The following TTN variants were observed in gnomAD, a reference collection of about 807,000 sequenced individuals.
TTN encodes the protein connectin.
TTN carries 1,525 observed loss-of-function variants against 3,223.0 expected under a neutral mutation model. That is an observed-to-expected ratio of 0.47 (90% CI 0.45 to 0.49). The LOEUF is 0.49. Among genes scored for constraint, TTN ranks in the 20% least tolerant of loss-of-function variants. TTN has a pLI of 0.00. For missense variants in TTN, 40,786 were observed against 43,424.0 expected, an observed-to-expected ratio of 0.94 and a Z score of 5.40; for synonymous variants, 14,094 against 15,161.0, an observed-to-expected ratio of 0.93 and a Z score of 5.17.
Position 178,562,752 on chromosome 2 carries a change from C to T in TTN, c.83380G>A (p.Gly27794Ser). The T allele has an allele frequency of 1.2e-6, 2 of 1,612,058 alleles. No individual in the cohort carries two copies. Among genetic ancestry groups the T allele is most frequent in the East Asian group, 2.2e-5 (1 of 44,776 alleles). Residue 27794 changes from glycine to serine, a missense_variant, in exon 326 of 363, where the codon GGT becomes AGT. Gly to Ser is a moderately conservative substitution (Grantham distance 56, BLOSUM62 0). Transcript: ENST00000589042. ...TLSWEPPLID[G>S]GAKITNYIVE... ...ATGTAGTTTGTAATCTTAGCTCCAC[C>T]ATCAATAAGTGGTGGTTCCCAGGAC... is the stretch of plus-strand genomic sequence containing the variant.
At chr2:178,663,539 A>T (rs1560181776) in intron 171 of TTN, 23 bp from the exon 172 acceptor site, 1 of 1,613,562 alleles carries the variant, frequency 6.2e-7, no homozygotes, top group Non-Finnish European at 8.5e-7. Flanking sequence ...TAGTGAAATT[A>T]CATTTAGGCA....
rs767516253 is a variant in TTN at position 178,535,220 on chromosome 2, T to C, written c.101395A>G (p.Thr33799Ala). The C allele has an allele frequency of 3.7e-6, 6 of 1,613,912 alleles. No homozygotes were observed. The East Asian group carries it at 8.9e-5, about 24-fold the overall frequency. The stretch of plus-strand genomic sequence containing the variant: ...GCTTTAGTCATGGAGACTTCCCTGG[T>C]TTCATCTACCTCTTCATCATAGTTC... ...AMNYDEEVDE[T>A]REVSMTKASH... The change falls in exon 358 of 363, where the codon ACC (threonine) becomes GCC (alanine). Residue 33799 changes from threonine (T) to alanine (A), a missense_variant. Physicochemically the swap from Thr to Ala is moderately conservative, Grantham distance 58 (BLOSUM62 0). Transcript: ENST00000589042.
In TTN at chr2:178,594,556, C is replaced by G. The variant is rs777653912; in HGVS notation, c.57938G>C (p.Gly19313Ala). The G allele has an allele frequency of 6.2e-7, 1 of 1,613,216 alleles. No homozygotes were observed. The highest frequency in any genetic ancestry group is 2.2e-5 in the East Asian group (1 of 44,754). ...TAGGACATAGTTAATAATTTCTGAC[C>G]CACCATCATACTTAGGAGGATTCCA... ...LTWNPPKYDG[G>A]SEIINYVLES... Residue 19313 changes from glycine to alanine, a missense_variant, in exon 296 of 363, where the codon GGG becomes GCG. Physicochemically the swap from Gly to Ala is moderately conservative, Grantham distance 60 (BLOSUM62 0). Coordinates refer to ENST00000589042, the MANE Select transcript of TTN (RefSeq NM_001267550.2).
At position 178,679,337 on chromosome 2, in the gene TTN, A is replaced by G. The variant is rs745618510; in HGVS notation, c.33742+2T>C. 6.2e-7 allele frequency: 1 copy of G among 1,612,434 alleles called. No homozygotes were observed. The highest frequency in any genetic ancestry group is 1.1e-5 in the South Asian group (1 of 91,032). On this transcript the variant is annotated splice_donor_variant, in intron 142 of 362. Transcript: ENST00000589042. LOFTEE classifies it high-confidence loss of function. Reference sequence around the variant, plus strand: ...TTCCACTGATGGATTATAAGGATGTACCTTTTGCTGGCGGAGGCTTCTCCT... The same window carrying G: ...TTCCACTGATGGATTATAAGGATGTGCCTTTTGCTGGCGGAGGCTTCTCCT...
rs367774903 is a variant in TTN, at chr2:178,620,542, G to A, written c.45979C>T (p.Arg15327Cys). The A allele has an allele frequency of 1.2e-4, 191 of 1,611,870 alleles. No homozygotes were observed. The highest frequency in any genetic ancestry group is 1.6e-4 in the Middle Eastern group (1 of 6,066). Residue 15327 changes from arginine (R) to cysteine (C), a missense_variant, in exon 248 of 363, where the codon CGT becomes TGT. Physicochemically the swap from Arg to Cys is radical, Grantham distance 180 (BLOSUM62 -3). Coordinates refer to ENST00000589042, the MANE Select transcript of TTN (RefSeq NM_001267550.2). ...GTCCACTTCAGTGTTACATTGAGAC[G>A]ATTCACCTTGCACCAGAATGTGACA... ...KSVTFWCKVN[R>C]LNVTLKWTKN...
At position 178,653,060 on chromosome 2, in the gene TTN, A is replaced by C. The variant is rs753817117; in HGVS notation, c.38856T>G (p.Pro12952=). 16 of 1,613,366 alleles carry C rather than the reference A, an allele frequency of 9.9e-6. No homozygotes were observed. In the Admixed American group the frequency reaches 2.5e-4, roughly 25 times the overall value. Residue 12952 remains proline (P), a synonymous_variant, in exon 199 of 363, where the codon CCT becomes CCG. Coordinates refer to ENST00000589042, the MANE Select transcript of TTN (RefSeq NM_001267550.2). ...AAATACCTTTAACAGGTGGGACTTC[A>C]GGTTTTTTAGGAGGAGTCACTGGCA... ...KKVPVTPPKK[P]EVPPVKVPEA... is the part of the protein sequence containing the mutation.
At position 178,595,891 on chromosome 2, in the gene TTN, A is replaced by G; in HGVS notation, c.57545-82T>C. 1.4e-6 allele frequency: 2 copies of G among 1,387,790 alleles called. 1 individual carries two copies. Among genetic ancestry groups the G allele is most frequent in the Middle Eastern group, 3.8e-4 (2 of 5,292 alleles). 86.0% of individuals were successfully genotyped at this position (1,387,790 alleles called of 1,614,324 possible). ...AACACTTGTTTTTTTAAAAGGAGAC[A>G]AAAATGTTGTTTTGAAGAAAGTAAG... is the stretch of plus-strand genomic sequence containing the variant. On this transcript the variant is annotated intron_variant, in intron 294 of 362. Transcript: ENST00000589042.
At chr2:178,766,715 G>A (rs866541900) in intron 40 of TTN, 103 bp from the exon 41 acceptor site, 7 of 848,962 alleles carry the variant, frequency 8.2e-6, no homozygotes, top group South Asian at 1.4e-5. Context: ...TGAATGGCAT[G>A]TGAAACCAAT....
Position 178,718,228 on chromosome 2 carries a change from T to A in TTN, c.24785-7A>T. On this transcript the variant is annotated splice_region_variant and splice_polypyrimidine_tract_variant and intron_variant, in intron 85 of 362. Transcript: ENST00000589042. ...TCAATAAAGTACGGTGGTTCTATGG[T>A]ACAAAGGATGGTAGTCAGCAAGTCA... The A allele has an allele frequency of 7.5e-6, 12 of 1,595,524 alleles. No individual in the cohort carries two copies. The highest frequency in any genetic ancestry group is 1.0e-5 in the Non-Finnish European group (12 of 1,173,490).
At position 178,574,933 on chromosome 2, in the gene TTN, T is replaced by G. The variant is rs1313067409; in HGVS notation, c.71199A>C (p.Pro23733=). Residue 23733 remains proline, a synonymous_variant, in exon 326 of 363, where the codon CCA becomes CCC. Transcript: ENST00000589042. ...CAGATGAAACTTCATCAAATTTGAT[T>G]GGTCCAGTAGGTGGCCCTGGGATAT... ...VHDIPGPPTG[P]IKFDEVSSDF... is the part of the protein sequence containing the mutation. 6.2e-7 allele frequency: 1 copy of G among 1,612,900 alleles called. No homozygotes were observed. Among genetic ancestry groups the G allele is most frequent in the East Asian group, 2.2e-5 (1 of 44,616 alleles).
intron 77 of TTN, 52 bp from the exon 78 acceptor site, chr2:178,722,186 T>C (rs72648968): frequency 3.3e-5 from 50 of 1,529,888 alleles, no homozygotes; most frequent in South Asian, 2.0e-4. Flanking sequence ...TTTTTTGCCA[T>C]TGGTCGTTTC....
In TTN at chr2:178,601,697, C is replaced by T. The variant is rs899078606; in HGVS notation, c.55393G>A (p.Ala18465Thr). The stretch of plus-strand genomic sequence containing the variant: ...CTGCAATTTGCAGTCTTTTGTCCTG[C>T]TTTATTCTTGGCTGTGATGCTGTAT... ...GKYSITAKNK[A>T]GQKTANCRVK... is the part of the protein sequence containing the mutation. Residue 18465 changes from alanine to threonine, a missense_variant, in exon 286 of 363, where the codon GCA (alanine) becomes ACA (threonine). Physicochemically the swap from Ala to Thr is moderately conservative, Grantham distance 58. Coordinates refer to ENST00000589042, the MANE Select transcript of TTN (RefSeq NM_001267550.2). 1.9e-6 allele frequency: 3 copies of T among 1,608,384 alleles called. No homozygotes were observed. In the Admixed American group the frequency reaches 5.1e-5, roughly 27 times the overall value.
Position 178,553,623 on chromosome 2 carries a change from T to A in TTN, c.89382A>T (p.Glu29794Asp), listed in dbSNP as rs1700216447. ...CAGGTTTCAGGTTGGATACCACATATTCTGTAGTTCTGACCTCTCCTTTGG... is the reference window on the plus strand; with the variant it reads ...CAGGTTTCAGGTTGGATACCACATAATCTGTAGTTCTGACCTCTCCTTTGG... ...VSTKGEVRTT[E>D]YVVSNLKPGV... The change falls in exon 334 of 363, where the codon GAA becomes GAT. Residue 29794 changes from glutamate (E) to aspartate (D), a missense_variant. Physicochemically the swap from Glu to Asp is conservative, Grantham distance 45 (BLOSUM62 2). Coordinates refer to ENST00000589042, the MANE Select transcript of TTN (RefSeq NM_001267550.2). 1 of 1,613,904 alleles carries A rather than the reference T, an allele frequency of 6.2e-7. No individual in the cohort carries two copies. Among genetic ancestry groups the A allele is most frequent in the Non-Finnish European group, 8.5e-7 (1 of 1,179,818 alleles).
chr2:178,684,076 TCTGGCACTTTAAAGAGAGATTTCA>T lies in TTN; in HGVS notation c.32723-18_32728del. Reference sequence around the variant, plus strand: ...TTCTGGGACAGCTCTCTTCGGTTCCTCTGGCACTTTAAAGAGAGATTTCACTTTAAAGTATTGTTTCCCTCTTTC... The same window carrying T: ...TTCTGGGACAGCTCTCTTCGGTTCCTCTTTAAAGTATTGTTTCCCTCTTTC... On this transcript the variant is annotated splice_acceptor_variant and splice_polypyrimidine_tract_variant and coding_sequence_variant and intron_variant, in exon 133 of 363. Transcript: ENST00000589042. LOFTEE classifies it high-confidence loss of function. 1 of 1,612,598 alleles carries T rather than the reference TCTGGCACTTTAAAGAGAGATTTCA, an allele frequency of 6.2e-7. No individual in the cohort carries two copies. Among genetic ancestry groups the T allele is most frequent in the Non-Finnish European group, 8.5e-7 (1 of 1,179,190 alleles).
intron 3 of TTN, among the ~76,000 whole-genome samples, chr2:178,801,368 C>T (rs1037116944): frequency 6.6e-6 from 1 of 152,122 alleles, no homozygotes; most frequent in African/African-American, 2.4e-5. Context: ...GTGCTGCCAA[C>T]CCTGTGCATT....
intron 173 of TTN, 101 bp from the exon 174 acceptor site, chr2:178,663,156 TG>T (rs2065071799): frequency 6.2e-7 from 1 of 1,608,074 alleles, no homozygotes; most frequent in Non-Finnish European, 8.5e-7. Context: ...GATTGACATT[TG>T]TTTTCTTTAG....
Position 178,551,501 on chromosome 2 carries a change from C to A in TTN, c.91270+129G>T, listed in dbSNP as rs917835267. 3 of 859,958 alleles carry A rather than the reference C, an allele frequency of 3.5e-6. No individual in the cohort carries two copies. The African/African-American group carries it at 5.2e-5, about 15-fold the overall frequency. 53.3% of individuals were successfully genotyped at this position (859,958 alleles called of 1,614,324 possible). On this transcript the variant is annotated intron_variant, in intron 335 of 362. Coordinates refer to ENST00000589042, the MANE Select transcript of TTN (RefSeq NM_001267550.2). ...ACTTAAAATAATTCCTCTTGCTTTACATGACCAGTTCTCTAGTGACAAGAA... is the reference window on the plus strand; with the variant it reads ...ACTTAAAATAATTCCTCTTGCTTTAAATGACCAGTTCTCTAGTGACAAGAA...
Position 178,714,444 on chromosome 2 carries a change from A to T in TTN, c.26330T>A (p.Val8777Asp). ...AATCCATATGTTGTCACTTTCTCTA[A>T]CGATTTCTCCCTTATCTTTGAACCA... ...VVWFKDKGEI[V>D]RESDNIWISY... The change falls in exon 91 of 363, where the codon GTT becomes GAT. Residue 8777 changes from valine (V) to aspartate (D), a missense_variant. Transcript: ENST00000589042. 6.2e-7 allele frequency: 1 copy of T among 1,613,684 alleles called. No homozygotes were observed. Among genetic ancestry groups the T allele is most frequent in the Non-Finnish European group, 8.5e-7 (1 of 1,179,720 alleles).
At chr2:178,639,966 C>T in intron 222 of TTN, 82 bp downstream of exon 222, 4 of 1,534,860 alleles carry the variant, frequency 2.6e-6, no homozygotes, top group Non-Finnish European at 3.6e-6. Context: ...CTGACTTTCA[C>T]CTACTATCTT....
Sources: gnomAD v4.1 joint callset for allele counts (sites outside exome capture counted in the v4.1 genomes callset) on GRCh38, gnomAD v4.1.1 for gene constraint, MANE v1.5 for transcripts, NCBI Gene and HGNC (gene_info 2026-07-23, HGNC 2026-07-21) for gene names.